Variants in TMEM248 observed in about 807,000 individuals in gnomAD.
TMEM248 encodes the protein UPF0458 protein C7orf42.
A neutral mutation model predicts 30.3 loss-of-function variants in TMEM248; 9 were observed. The ratio of observed to expected loss-of-function variants is 0.30; its 90% CI spans 0.18 to 0.52. The LOEUF (loss-of-function observed/expected upper bound fraction) is 0.52. Among genes scored for constraint, TMEM248 ranks in the 20% least tolerant of loss-of-function variants. TMEM248 has a pLI of 0.97. For missense variants in TMEM248, 338 were observed against 403.3 expected (o/e 0.84, Z 1.39); for synonymous variants, 184 against 154.4 (o/e 1.19, Z -1.42).
intron 2 of TMEM248, among the ~76,000 whole-genome samples, chr7:66,942,934 G>T (rs1186605081): frequency 1.3e-5 from 2 of 151,158 alleles, no homozygotes; most frequent in Non-Finnish European, 2.9e-5. Context: ...GCCTTGCAAT[G>T]GAGAGGAGAG....
chr7:66,950,301 C>T (rs1487193686), intron 4 of TMEM248, among the ~76,000 whole-genome samples: 2 of 152,060 alleles, frequency 1.3e-5, no homozygotes, highest in South Asian at 4.2e-4. Flanking sequence ...CCTCATGTGT[C>T]ATGGGAGGGA....
At chr7:66,942,143 G>T (rs3735155) in intron 2 of TMEM248, 119 bp downstream of exon 2, 87,697 of 1,102,666 alleles carry the variant, frequency 0.08, 4,339 homozygotes, top group East Asian at 0.23. Context: ...AGAAAAATCA[G>T]TATTTATTCA....
intron 1 of TMEM248, among the ~76,000 whole-genome samples, chr7:66,927,629 T>G (rs969178828): frequency 1.2e-4 from 18 of 148,150 alleles, no homozygotes; most frequent in Middle Eastern, 3.4e-3. Flanking sequence ...GTTTTGTTTT[T>G]TTTTTTTTTT....
chr7:66,942,519 G>A (rs1257131652), intron 2 of TMEM248, among the ~76,000 whole-genome samples: 6 of 151,992 alleles, frequency 3.9e-5, no homozygotes, highest in East Asian at 3.9e-4. Flanking sequence ...TTTTTGAGAC[G>A]GAGTCTCGCT....
At chr7:66,935,003 T>A (rs1177008648) in intron 1 of TMEM248, among the ~76,000 whole-genome samples, 1 of 151,586 alleles carries the variant, frequency 6.6e-6, no homozygotes, top group Admixed American at 6.6e-5. Context: ...TGCAGTGAGC[T>A]GAGATTGTGC....
chr7:66,923,320 A>G (rs1270997693), intron 1 of TMEM248, among the ~76,000 whole-genome samples: 1 of 151,442 alleles, frequency 6.6e-6, no homozygotes, highest in Non-Finnish European at 1.5e-5. Context: ...TAATTTTTGT[A>G]TTTTTGGTAG....
rs763675784 is a variant in TMEM248 at position 66,945,029 on chromosome 7, G to A, written c.213G>A (p.Glu71=). ...ATGATTTGGACTTGTGTGTATCAGA[G>A]AATGAAACCCTCAAGCATCTCACAA... The part of the protein sequence containing the change: ...RFNDLDLCVS[E]NETLKHLTND... Residue 71 remains glutamate, a synonymous_variant, in exon 3 of 7, where the codon GAG becomes GAA. Coordinates refer to ENST00000341567, the MANE Select transcript of TMEM248 (RefSeq NM_017994.5). 9.3e-6 allele frequency: 15 copies of A among 1,614,088 alleles called. No individual in the cohort carries two copies. The highest frequency in any genetic ancestry group is 1.7e-5 in the Admixed American group (1 of 60,000).
rs1792263135 is a variant in TMEM248, at chr7:66,951,258, T to C, written c.780+123T>C. On this transcript the variant is annotated intron_variant, in intron 5 of 6. Coordinates refer to ENST00000341567, the MANE Select transcript of TMEM248 (RefSeq NM_017994.5). ...TGGGTAAGCGTATCCTCTGCCACTT[T>C]AGATTTCCAGGTGAGTTAGGACACT... is the stretch of plus-strand genomic sequence containing the variant. 3.3e-6 allele frequency: 3 copies of C among 912,558 alleles called. No homozygotes were observed. The East Asian group carries it at 9.6e-5, about 29-fold the overall frequency. 56.5% of individuals were successfully genotyped at this position (912,558 alleles called of 1,614,324 possible). A position where few individuals can be genotyped will look rare whatever the true frequency, so the allele number is the denominator to read the frequency against.
At chr7:66,942,823 G>A (rs1295956106) in intron 2 of TMEM248, among the ~76,000 whole-genome samples, 1 of 150,428 alleles carries the variant, frequency 6.6e-6, no homozygotes, top group African/African-American at 2.4e-5. Context: ...TAGATTCCTT[G>A]GGTGCCTTCT....
intron 2 of TMEM248, among the ~76,000 whole-genome samples, chr7:66,944,599 T>C (rs1792044867): frequency 6.6e-6 from 1 of 152,238 alleles, no homozygotes; most frequent in Non-Finnish European, 1.5e-5. Context: ...AGTTGCAAAA[T>C]GAGTTTGGAT....
intron 4 of TMEM248, among the ~76,000 whole-genome samples, chr7:66,950,739 A>G (rs1792241036): frequency 6.6e-6 from 1 of 152,166 alleles, no homozygotes; most frequent in African/African-American, 2.4e-5. Context: ...TCAGGCACCT[A>G]TTTATTTTTC....
At chr7:66,952,016 AGT>A (rs1792279957) in intron 5 of TMEM248, among the ~76,000 whole-genome samples, 1 of 151,928 alleles carries the variant, frequency 6.6e-6, no homozygotes. Flanking sequence ...CCTTTCTGGC[AGT>A]GTGTGTTAGC....
rs940150940 is a variant in TMEM248 at position 66,937,669 on chromosome 7, G to A, written c.-18-4179G>A. Among the ~76,000 whole-genome samples the A allele has an allele frequency of 4.6e-5, 7 of 152,154 alleles. No individual in the cohort carries two copies. The East Asian group carries it at 5.8e-4, about 13-fold the overall frequency. On this transcript the variant is annotated intron_variant, in intron 1 of 6. Transcript: ENST00000341567. ...TTAAATATAGCTACTTCTGCTCTGC[G>A]CTTTTTTGGTTTCCATTTGCATGGA...
At chr7:66,921,902 TC>T (rs1440923063) in intron 1 of TMEM248, 4 of 152,270 alleles carry the variant, frequency 2.6e-5, no homozygotes, top group Non-Finnish European at 1.5e-5. Context: ...ATAGTGGTGT[TC>T]CCTGTGTCAA....
At chr7:66,934,285 C>T (rs954910918) in intron 1 of TMEM248, among the ~76,000 whole-genome samples, 4 of 152,146 alleles carry the variant, frequency 2.6e-5, no homozygotes, top group Non-Finnish European at 5.9e-5. Flanking sequence ...ACTGCAACCT[C>T]TGCCTCCTGG....
rs541000070 is a variant in TMEM248, at chr7:66,932,008, G to C, written c.-18-9840G>C. ...TTTAGTAGAGACGGGGTTTCACCAT[G>C]TTAGTCAGGATAGTCTCGATCTCCT... On this transcript the variant is annotated intron_variant, in intron 1 of 6. Coordinates refer to ENST00000341567, the MANE Select transcript of TMEM248 (RefSeq NM_017994.5). 2.0e-4 allele frequency among the ~76,000 whole-genome samples: 30 copies of C among 150,776 alleles called. No homozygotes were observed. The East Asian group carries it at 5.8e-3, about 29-fold the overall frequency.
intron 3 of TMEM248, among the ~76,000 whole-genome samples, chr7:66,946,300 G>A (rs561461858): frequency 6.4e-4 from 97 of 152,040 alleles, no homozygotes; most frequent in Non-Finnish European, 1.2e-3. Flanking sequence ...AGATGGGCCC[G>A]TGCGCAGTGG....
Position 66,941,986 on chromosome 7 carries a change from T to C in TMEM248, c.121T>C (p.Phe41Leu). 6.2e-7 allele frequency: 1 copy of C among 1,614,164 alleles called. No homozygotes were observed. Among genetic ancestry groups the C allele is most frequent in the Non-Finnish European group, 8.5e-7 (1 of 1,180,016 alleles). Residue 41 changes from phenylalanine (F) to leucine (L), a missense_variant, in exon 2 of 7, where the codon TTC becomes CTC. Physicochemically the swap from Phe to Leu is conservative, Grantham distance 22 (BLOSUM62 0). Coordinates refer to ENST00000341567, the MANE Select transcript of TMEM248 (RefSeq NM_017994.5). ...AGCTTTCCTGACCCTGGGCTACTTCTTCAAAATCAAGGAGATTAAATCCCC... is the reference window on the plus strand; with the variant it reads ...AGCTTTCCTGACCCTGGGCTACTTCCTCAAAATCAAGGAGATTAAATCCCC... ...AIAFLTLGYFFKIKEIKSPEM... is the reference protein window; with the variant it reads ...AIAFLTLGYFLKIKEIKSPEM...
intron 3 of TMEM248, among the ~76,000 whole-genome samples, chr7:66,945,772 GA>G (rs1396081443): frequency 6.6e-6 from 1 of 152,034 alleles, no homozygotes; most frequent in Non-Finnish European, 1.5e-5. Flanking sequence ...GCAACATGGT[GA>G]AACCCCATCA....
Sources: allele counts gnomAD v4.1 joint callset (sites outside exome capture counted in the v4.1 genomes callset), GRCh38; gene constraint gnomAD v4.1.1; transcripts MANE v1.5; gene names NCBI Gene and HGNC (gene_info 2026-07-23, HGNC 2026-07-21).